Variants in MIA3 observed in about 807,000 individuals in gnomAD.
The protein encoded by MIA3 is MIA SH3 domain ER export factor 3, also known as transport and Golgi organization protein 1 homolog.
A neutral mutation model predicts 192.4 loss-of-function variants in MIA3; 90 were observed. The ratio of observed to expected loss-of-function variants is 0.47; its 90% CI spans 0.39 to 0.56. The LOEUF (loss-of-function observed/expected upper bound fraction) is 0.56. Ranked by LOEUF, MIA3 falls within the 20% of genes least tolerant of loss-of-function variation. The pLI is 0.00. For missense variants in MIA3, 2,123 were observed against 2,269.4 expected (o/e 0.94, Z 1.31); for synonymous variants, 740 against 792.8 (o/e 0.93, Z 1.12).
intron 6 of MIA3, chr1:222,644,270 G>T: frequency 7.2e-7 from 1 of 1,382,746 alleles, no homozygotes; most frequent in Non-Finnish European, 9.4e-7. Flanking sequence ...GGCTCCTTTG[G>T]TGCCTTGAGG....
chr1:222,666,345 C>A lies in MIA3; in HGVS notation c.*726C>A, dbSNP rs1377222325. Reference sequence around the variant, plus strand: ...CACTTGTATAGCATTCACATGCTTTCTTTACGATCCTCATTGTCTATTTGA... The same window carrying A: ...CACTTGTATAGCATTCACATGCTTTATTTACGATCCTCATTGTCTATTTGA... On this transcript the variant is annotated 3_prime_UTR_variant, in exon 28 of 28. Coordinates refer to ENST00000344922, the MANE Select transcript of MIA3 (RefSeq NM_198551.4). The A allele has an allele frequency of 6.6e-6, 1 of 152,126 alleles. No homozygotes were observed. The highest frequency in any genetic ancestry group is 1.5e-5 in the Non-Finnish European group (1 of 68,030). 9.4% of individuals were successfully genotyped at this position (152,126 alleles called of 1,614,324 possible).
chr1:222,639,130 A>G (rs898061874), intron 6 of MIA3, among the ~76,000 whole-genome samples: 1 of 152,230 alleles, frequency 6.6e-6, no homozygotes, highest in African/African-American at 2.4e-5. Context: ...TGAGCAATTT[A>G]TGTCAACTAA....
intron 3 of MIA3, among the ~76,000 whole-genome samples, 161 bp downstream of exon 3, chr1:222,625,015 CT>C (rs566044781): frequency 8.6e-4 from 126 of 145,756 alleles, no homozygotes; most frequent in Middle Eastern, 3.5e-3. Context: ...GCTATGTACT[CT>C]TTTTTTTTTT....
chr1:222,662,037 CTG>C lies in MIA3; in HGVS notation c.5114-17_5114-16del, dbSNP rs1484468425. 3.1e-6 allele frequency: 5 copies of C among 1,604,252 alleles called. No individual in the cohort carries two copies. In the East Asian group the frequency reaches 1.1e-4, roughly 36 times the overall value. On this transcript the variant is annotated splice_polypyrimidine_tract_variant and intron_variant, in intron 24 of 27. Transcript: ENST00000344922. ...CTTCCAAAAAATACATATAAGGACTCTGTTATTTCTTTCTCAAGGATCAGTGG... is the reference window on the plus strand; with the variant it reads ...CTTCCAAAAAATACATATAAGGACTCTTATTTCTTTCTCAAGGATCAGTGG...
At chr1:222,661,369 A>T (rs556661804) in intron 24 of MIA3, 1 of 152,698 alleles carries the variant, frequency 6.5e-6, no homozygotes, top group East Asian at 1.9e-4. Context: ...TACAAATACA[A>T]TACAGTGTTA....
At chr1:222,626,718 C>A (rs1006579985) in intron 3 of MIA3, among the ~76,000 whole-genome samples, 1 of 152,152 alleles carries the variant, frequency 6.6e-6, no homozygotes, top group Non-Finnish European at 1.5e-5. Flanking sequence ...AAATGGGGAG[C>A]CTCCTTTACA....
At chr1:222,621,847 C>G (rs1056032742) in intron 2 of MIA3, among the ~76,000 whole-genome samples, 3 of 141,612 alleles carry the variant, frequency 2.1e-5, no homozygotes, top group Non-Finnish European at 4.5e-5. Flanking sequence ...CTTGCTCTGT[C>G]GCCCAGGCTG....
chr1:222,664,869 T>C (rs1337819974), intron 27 of MIA3: 1 of 460,572 alleles, frequency 2.2e-6, no homozygotes, highest in South Asian at 1.6e-5. Flanking sequence ...TACAAATCTA[T>C]CTCTCTTTTT....
chr1:222,618,858 G>A (rs1571853253), intron 1 of MIA3, among the ~76,000 whole-genome samples: 1 of 152,182 alleles, frequency 6.6e-6, no homozygotes, highest in Non-Finnish European at 1.5e-5. Context: ...CAGGAATTGG[G>A]AGTTTAGGTT....
intron 4 of MIA3, among the ~76,000 whole-genome samples, chr1:222,630,600 AC>A (rs1376566090): frequency 6.6e-6 from 1 of 152,200 alleles, no homozygotes; most frequent in Non-Finnish European, 1.5e-5. Flanking sequence ...AATAGTTGAG[AC>A]TGGTTAGCAT....
intron 11 of MIA3, among the ~76,000 whole-genome samples, chr1:222,651,558 T>G (rs1663433458): frequency 6.6e-6 from 1 of 152,070 alleles, no homozygotes; most frequent in Admixed American, 6.5e-5. Context: ...CATTTTTAAT[T>G]TAGGCAAGAG....
intron 27 of MIA3, 200 bp from the exon 28 acceptor site, chr1:222,665,109 G>A (rs1418465599): frequency 3.6e-6 from 2 of 556,768 alleles, no homozygotes; most frequent in Non-Finnish European, 6.3e-6. Flanking sequence ...TGAGGTGGGA[G>A]GATTGATTGA....
At chr1:222,644,891 TGG>T (rs1037012800) in intron 6 of MIA3, among the ~76,000 whole-genome samples, 1 of 152,030 alleles carries the variant, frequency 6.6e-6, no homozygotes, top group Non-Finnish European at 1.5e-5. Context: ...GGCTCTGTTG[TGG>T]GATGGGACCA....
intron 6 of MIA3, chr1:222,641,829 C>T (rs915576255): frequency 3.0e-5 from 16 of 527,674 alleles, no homozygotes; most frequent in East Asian, 5.1e-5. Flanking sequence ...TTTCTAGCTG[C>T]GGCAGATTCA....
intron 18 of MIA3, 82 bp downstream of exon 18, chr1:222,654,875 T>C (rs1663634622): frequency 1.6e-6 from 2 of 1,217,870 alleles, no homozygotes; most frequent in South Asian, 1.5e-5. Flanking sequence ...GTTATCGTTT[T>C]TCAGGATTGT....
At position 222,627,994 on chromosome 1, in the gene MIA3, G is replaced by A. The variant is rs772848560; in HGVS notation, c.774G>A (p.Gln258=). ...TSNSSQVSNE[Q]DKIDAYKLLK... is the part of the protein sequence containing the mutation. The stretch of plus-strand genomic sequence containing the variant: ...ATAGTTCTCAGGTCTCAAATGAACA[G>A]GATAAGATTGATGCCTATAAACTTT... The change falls in exon 4 of 28, where the codon CAG becomes CAA. Residue 258 remains glutamine, a synonymous_variant. Transcript: ENST00000344922. 3 of 1,614,154 alleles carry A rather than the reference G, an allele frequency of 1.9e-6. No homozygotes were observed. Among genetic ancestry groups the A allele is most frequent in the African/African-American group, 1.3e-5 (1 of 75,056 alleles).
chr1:222,622,019 A>AGGAT lies in MIA3; in HGVS notation c.267+729_267+730insATGG, dbSNP rs1211325780. On this transcript the variant is annotated intron_variant, in intron 2 of 27. Coordinates refer to ENST00000344922, the MANE Select transcript of MIA3 (RefSeq NM_198551.4). ...GAGACGGGGTTTCACTGTGTTAGCT[A>AGGAT]GGTCTCGATCTCCTGACCTTGTGAT... 1.8e-4 allele frequency among the ~76,000 whole-genome samples: 27 copies of AGGAT among 152,024 alleles called. 1 individual carries two copies. The highest frequency in any genetic ancestry group is 8.5e-4 in the Admixed American group (13 of 15,266).
At chr1:222,659,562 C>G (rs1467943693) in intron 20 of MIA3, 49 bp downstream of exon 20, 3 of 1,609,446 alleles carry the variant, frequency 1.9e-6, no homozygotes, top group Non-Finnish European at 2.6e-6. Flanking sequence ...TCTTTGATAA[C>G]TAATAGAGGC....
chr1:222,659,016 T>C, intron 19 of MIA3, 193 bp downstream of exon 19: 1 of 510,654 alleles, frequency 2.0e-6, no homozygotes, highest in South Asian at 2.5e-5. Flanking sequence ...GTAAGGGAAC[T>C]TGATTCGTGC....
Sources: allele counts gnomAD v4.1 joint callset (sites outside exome capture counted in the v4.1 genomes callset), GRCh38; gene constraint gnomAD v4.1.1; transcripts MANE v1.5; gene names NCBI Gene and HGNC (gene_info 2026-07-23, HGNC 2026-07-21).